SLCO3A1: variants seen among roughly 807,000 people sequenced by gnomAD.
SLCO3A1 encodes solute carrier organic anion transporter family member 3A1, also known as PGE1 transporter.
In SLCO3A1, 27 loss-of-function variants were observed where a neutral mutation model predicts 63.1. That is an observed-to-expected ratio of 0.43 (90% CI 0.32 to 0.59). The LOEUF (loss-of-function observed/expected upper bound fraction) is 0.59. SLCO3A1 is among the 20% of genes least tolerant of loss of function. The pLI is 0.09. For synonymous variants in SLCO3A1, 473 were observed against 409.9 expected, an observed-to-expected ratio of 1.15 and a Z score of -1.86; for missense variants, 773 against 945.8, an observed-to-expected ratio of 0.82 and a Z score of 2.40.
chr15:92,097,734 C>T (rs2047557667), intron 3 of SLCO3A1, among the ~76,000 whole-genome samples: 1 of 150,248 alleles, frequency 6.7e-6, no homozygotes, highest in Admixed American at 6.6e-5. Flanking sequence ...CCGGAGGCAC[C>T]GTGAGGCACC....
rs776042153 is a variant in SLCO3A1 at position 92,104,499 on chromosome 15, C to A, written c.966C>A (p.Pro322=). ...PKPSNGVLRH[P]LEPDSSASCF... ...CCAGCAACGGGGTCCTGAGGCACCC[C>A]CTGGAGCCAGACAGCAGTGCCTCCT... Residue 322 remains proline (P), a synonymous_variant, in exon 4 of 10, where the codon CCC becomes CCA. Transcript: ENST00000318445. 6.2e-7 allele frequency: 1 copy of A among 1,613,990 alleles called. No homozygotes were observed. The highest frequency in any genetic ancestry group is 1.1e-5 in the South Asian group (1 of 91,062).
At chr15:91,866,512 G>T (rs1347341085) in intron 1 of SLCO3A1, among the ~76,000 whole-genome samples, 1 of 150,762 alleles carries the variant, frequency 6.6e-6, no homozygotes, top group Non-Finnish European at 1.5e-5. Flanking sequence ...CATCTCTGTG[G>T]TTTTTTTGGT....
rs1899094588 is a variant in SLCO3A1 at position 91,928,076 on chromosome 15, A to G, written c.646+11618A>G. Reference sequence around the variant, plus strand: ...GTACATAGAGGAAAATGTCTCCCACATTGGTGCTTTTATTTTATTTTTAAA... The same window carrying G: ...GTACATAGAGGAAAATGTCTCCCACGTTGGTGCTTTTATTTTATTTTTAAA... On this transcript the variant is annotated intron_variant, in intron 2 of 9. Transcript: ENST00000318445. Among the ~76,000 whole-genome samples the G allele has an allele frequency of 2.6e-5, 4 of 152,202 alleles. No homozygotes were observed. The South Asian group carries it at 8.3e-4, about 31-fold the overall frequency.
intron 2 of SLCO3A1, among the ~76,000 whole-genome samples, chr15:91,965,068 T>G (rs28470895): frequency 0.42 from 64,060 of 151,834 alleles, 13,661 homozygotes; most frequent in African/African-American, 0.47. Context: ...ACAGCAAACA[T>G]ACCCAGGGAG....
At chr15:91,926,598 C>T (rs28664798) in intron 2 of SLCO3A1, among the ~76,000 whole-genome samples, 1,013 of 25,444 alleles carry the variant, frequency 0.04, 19 homozygotes, top group African/African-American at 0.18. Flanking sequence ...TGTGTGTGTG[C>T]GCGCGCGCAC....
chr15:91,921,302 C>T (rs1898835918), intron 2 of SLCO3A1, among the ~76,000 whole-genome samples: 1 of 152,182 alleles, frequency 6.6e-6, no homozygotes, highest in Non-Finnish European at 1.5e-5. Context: ...CCCATATTAG[C>T]TCATTTAACC....
intron 2 of SLCO3A1, among the ~76,000 whole-genome samples, chr15:91,921,041 C>T (rs956818147): frequency 5.3e-5 from 8 of 152,112 alleles, no homozygotes; most frequent in African/African-American, 1.7e-4. Context: ...GCTAGGGCTG[C>T]CCTAAGCAAA....
chr15:92,164,519 C>A lies in SLCO3A1; in HGVS notation c.*1384C>A, dbSNP rs987827715. ...TTCTTTTCAGCCTGTGGAGGAGACA[C>A]TCTTAGATGTGGGTTTGTGTGTATG... On this transcript the variant is annotated 3_prime_UTR_variant, in exon 10 of 10. Transcript: ENST00000318445. 36 of 985,392 alleles carry A rather than the reference C, an allele frequency of 3.7e-5. No individual in the cohort carries two copies. The African/African-American group carries it at 5.8e-4, about 16-fold the overall frequency. 61.0% of individuals were successfully genotyped at this position (985,392 alleles called of 1,614,324 possible).
chr15:91,941,676 G>T lies in SLCO3A1; in HGVS notation c.646+25218G>T. On this transcript the variant is annotated intron_variant, in intron 2 of 9. Coordinates refer to ENST00000318445, the MANE Select transcript of SLCO3A1 (RefSeq NM_013272.4). The surrounding 1 kb of genome is among the most constrained non-coding windows in gnomAD (Gnocchi z 4.4). ...TTACTCGGGATGTTTGTTTCTCTTTGTCTTTAAAAAAATTATTTTTCCTCC... is the reference window on the plus strand; with the variant it reads ...TTACTCGGGATGTTTGTTTCTCTTTTTCTTTAAAAAAATTATTTTTCCTCC... The T allele has an allele frequency of 2.6e-6, 1 of 382,612 alleles. No individual in the cohort carries two copies. The highest frequency in any genetic ancestry group is 5.1e-6 in the Non-Finnish European group (1 of 194,918). 23.7% of individuals were successfully genotyped at this position (382,612 alleles called of 1,614,324 possible). A position where few individuals can be genotyped will look rare whatever the true frequency, so the allele number is the denominator to read the frequency against.
At chr15:92,105,546 G>C (rs2047657663) in intron 4 of SLCO3A1, among the ~76,000 whole-genome samples, 1 of 152,138 alleles carries the variant, frequency 6.6e-6, no homozygotes, top group Non-Finnish European at 1.5e-5. Flanking sequence ...TCCATCTTCG[G>C]CACAATCCTT....
At chr15:92,096,858 T>C (rs1310527679) in intron 3 of SLCO3A1, among the ~76,000 whole-genome samples, 1 of 152,148 alleles carries the variant, frequency 6.6e-6, no homozygotes, top group East Asian at 1.9e-4. Flanking sequence ...CCGAAGGTGA[T>C]TGAGTGCTGG....
intron 2 of SLCO3A1, among the ~76,000 whole-genome samples, chr15:92,071,893 T>C (rs950387047): frequency 1.3e-5 from 2 of 152,238 alleles, no homozygotes; most frequent in African/African-American, 2.4e-5. Context: ...CTGGGCGTGA[T>C]GAGCTCTTGT....
rs957462957 is a variant in SLCO3A1, at chr15:92,033,577, C to G, written c.647-61304C>G. 6.6e-6 allele frequency among the ~76,000 whole-genome samples: 1 copy of G among 152,214 alleles called. No homozygotes were observed. Among genetic ancestry groups the G allele is most frequent in the Non-Finnish European group, 1.5e-5 (1 of 68,046 alleles). Reference sequence around the variant, plus strand: ...GTTCGTTCAGCCCGAGCTTCCACAGCACACCACATGCTAGCTTAAGAGCTG... The same window carrying G: ...GTTCGTTCAGCCCGAGCTTCCACAGGACACCACATGCTAGCTTAAGAGCTG... On this transcript the variant is annotated intron_variant, in intron 2 of 9. Coordinates refer to ENST00000318445, the MANE Select transcript of SLCO3A1 (RefSeq NM_013272.4). The surrounding 1 kb of genome is among the most constrained non-coding windows in gnomAD (Gnocchi z 4.5).
At position 91,859,456 on chromosome 15, in the gene SLCO3A1, T is replaced by C. The variant is rs531499544; in HGVS notation, c.180+5368T>C. On this transcript the variant is annotated intron_variant, in intron 1 of 9. Transcript: ENST00000318445. This position sits in a 1 kb window ranked among gnomAD's most constrained non-coding sequence, Gnocchi z 5.1. ...GTATTTTATGTAGCCTAAGTGTTTA[T>C]GTGTTAGCATGAGACAAATTATTGC... 2.7e-4 allele frequency among the ~76,000 whole-genome samples: 41 copies of C among 152,342 alleles called. No individual in the cohort carries two copies. The highest frequency in any genetic ancestry group is 4.6e-4 in the Non-Finnish European group (31 of 68,024).
At chr15:92,066,205 C>G (rs926755839) in intron 2 of SLCO3A1, among the ~76,000 whole-genome samples, 7 of 152,212 alleles carry the variant, frequency 4.6e-5, no homozygotes, top group African/African-American at 1.7e-4. Flanking sequence ...CAGGTCAAGT[C>G]TAGATTCCAG....
intron 2 of SLCO3A1, among the ~76,000 whole-genome samples, chr15:92,088,201 C>CT (rs1298982535): frequency 6.6e-6 from 1 of 152,204 alleles, no homozygotes; most frequent in East Asian, 1.9e-4. Context: ...ACCACACATC[C>CT]TTTCAACAAA....
chr15:92,056,172 T>C (rs1378328638), intron 2 of SLCO3A1, among the ~76,000 whole-genome samples: 1 of 151,918 alleles, frequency 6.6e-6, no homozygotes, highest in African/African-American at 2.4e-5. Flanking sequence ...ATCTTCCTTC[T>C]TTCCCCTTTA....
chr15:91,865,346 G>C lies in SLCO3A1; in HGVS notation c.180+11258G>C, dbSNP rs1293831779. 1.3e-5 allele frequency among the ~76,000 whole-genome samples: 2 copies of C among 152,216 alleles called. No individual in the cohort carries two copies. Among genetic ancestry groups the C allele is most frequent in the African/African-American group, 4.8e-5 (2 of 41,450 alleles). On this transcript the variant is annotated intron_variant, in intron 1 of 9. Coordinates refer to ENST00000318445, the MANE Select transcript of SLCO3A1 (RefSeq NM_013272.4). The surrounding 1 kb of genome is among the most constrained non-coding windows in gnomAD (Gnocchi z 4.6). The stretch of plus-strand genomic sequence containing the variant: ...TATAAGTGAGAAAGTGACTTTCACA[G>C]TTTATCTGTTGGTGAGGTGGACATG...
intron 2 of SLCO3A1, among the ~76,000 whole-genome samples, chr15:91,960,528 G>A (rs1338349213): frequency 6.6e-6 from 1 of 152,172 alleles, no homozygotes; most frequent in Non-Finnish European, 1.5e-5. Context: ...TCTCTGTGGT[G>A]TCCCAGATCG....
Sources: gnomAD v4.1 joint callset for allele counts (sites outside exome capture counted in the v4.1 genomes callset) on GRCh38, gnomAD v4.1.1 for gene constraint, Gnocchi (gnomAD v3.1) non-coding constraint, MANE v1.5 for transcripts, NCBI Gene and HGNC (gene_info 2026-07-23, HGNC 2026-07-21) for gene names.